The following LMOD1 variants were observed in gnomAD, a reference collection of about 807,000 sequenced individuals.
LMOD1 encodes the protein leiomodin-1.
A neutral mutation model predicts 36.5 loss-of-function variants in LMOD1; 8 were observed. The ratio of observed to expected loss-of-function variants is 0.22; its 90% CI spans 0.13 to 0.40. LMOD1 has a LOEUF of 0.40. Ranked by LOEUF, LMOD1 falls within the 10% of genes least tolerant of loss-of-function variation. LMOD1 has a pLI of 1.00. For synonymous variants in LMOD1, 284 were observed against 288.7 expected (o/e 0.98, Z 0.17); for missense variants, 630 against 751.1 (o/e 0.84, Z 1.88).
intron 1 of LMOD1, among the ~76,000 whole-genome samples, chr1:201,941,323 C>T (rs567794996): frequency 2.1e-4 from 32 of 152,256 alleles, no homozygotes; most frequent in Admixed American, 1.8e-3. Context: ...AAAACAAACA[C>T]CTGTGGATTG....
rs542658902 is a variant in LMOD1, at chr1:201,935,879, G to A, written c.261+10201C>T. Among the ~76,000 whole-genome samples the A allele has an allele frequency of 5.3e-5, 8 of 151,672 alleles. No individual in the cohort carries two copies. The South Asian group carries it at 1.5e-3, about 28-fold the overall frequency. ...GCCAATCCCAGGACTTTGGGAGGCC[G>A]AGGTGGGCAGATTGCCTGAGGTCAT... On this transcript the variant is annotated intron_variant, in intron 1 of 2. Coordinates refer to ENST00000367288, the MANE Select transcript of LMOD1 (RefSeq NM_012134.3).
chr1:201,903,867 T>C (rs560792703), intron 1 of LMOD1, among the ~76,000 whole-genome samples: 1 of 152,342 alleles, frequency 6.6e-6, no homozygotes, highest in South Asian at 2.1e-4. Flanking sequence ...CCCACGCCAC[T>C]TGTAGGCTTC....
Position 201,899,784 on chromosome 1 carries a change from G to T in LMOD1, c.1229C>A (p.Ala410Asp). 6.2e-7 allele frequency: 1 copy of T among 1,614,072 alleles called. No individual in the cohort carries two copies. Among genetic ancestry groups the T allele is most frequent in the Non-Finnish European group, 8.5e-7 (1 of 1,179,908 alleles). The change falls in exon 2 of 3, where the codon GCC becomes GAC. Residue 410 changes from alanine (A) to aspartate (D), a missense_variant. Ala to Asp is a moderately radical substitution (Grantham distance 126, BLOSUM62 -2). Coordinates refer to ENST00000367288, the MANE Select transcript of LMOD1 (RefSeq NM_012134.3). The surrounding 1 kb of genome is among the most constrained non-coding windows in gnomAD (Gnocchi z 6.3). ...GGTCAGCGTGTTGTTCTGGAGGAGG[G>T]CCCGGAAGATGGCCAGGATGCCTTT... ...TGKGILAIFR[A>D]LLQNNTLTEL...
At chr1:201,915,766 A>G (rs1406902041) in intron 1 of LMOD1, among the ~76,000 whole-genome samples, 3 of 151,982 alleles carry the variant, frequency 2.0e-5, no homozygotes, top group Non-Finnish European at 4.4e-5. Context: ...ATCCTCACAG[A>G]TGTTCCCTTG....
chr1:201,912,045 C>T (rs147287387), intron 1 of LMOD1, among the ~76,000 whole-genome samples: 2 of 152,240 alleles, frequency 1.3e-5, no homozygotes, highest in East Asian at 3.9e-4. Flanking sequence ...GAAAGCCCTT[C>T]CAGTCTGCTA....
chr1:201,923,727 T>C (rs1442104462), intron 1 of LMOD1, among the ~76,000 whole-genome samples: 1 of 151,924 alleles, frequency 6.6e-6, no homozygotes, highest in African/African-American at 2.4e-5. Context: ...TAGCTGAATG[T>C]GGTGATGCAC....
chr1:201,900,121 C>A lies in LMOD1; in HGVS notation c.892G>T (p.Gly298Cys). ...TKTPEKQTPS[G>C]PTKPSEGPAK... ...GGTCCTTCAGAGGGCTTGGTGGGGC[C>A]ACTGGGCGTCTGTTTCTCGGGTGTT... Residue 298 changes from glycine to cysteine, a missense_variant, in exon 2 of 3, where the codon GGC becomes TGC. Gly to Cys is a radical substitution (Grantham distance 159). Transcript: ENST00000367288. 1 of 1,613,934 alleles carries A rather than the reference C, an allele frequency of 6.2e-7. No individual in the cohort carries two copies. Among genetic ancestry groups the A allele is most frequent in the Non-Finnish European group, 8.5e-7 (1 of 1,179,860 alleles).
In LMOD1 at chr1:201,901,630, GTATA is replaced by G. The variant is rs1332798122; in HGVS notation, c.262-883_262-880del. Among the ~76,000 whole-genome samples the G allele has an allele frequency of 5.2e-3, 10 of 1,912 alleles. 1 individual carries two copies. The highest frequency in any genetic ancestry group is 0.071 in the South Asian group (1 of 14). 1.3% of individuals were successfully genotyped at this position (1,912 alleles called of 152,430 possible). ...TATATACACATATATATGTGTGTGT[GTATA>G]TATATATATATATACATATATATGT... On this transcript the variant is annotated intron_variant, in intron 1 of 2. Transcript: ENST00000367288.
chr1:201,898,941 C>T (rs3738289), intron 2 of LMOD1, among the ~76,000 whole-genome samples: 13,037 of 152,216 alleles, frequency 0.086, 674 homozygotes, highest in East Asian at 0.13. Flanking sequence ...GAGGCCATTT[C>T]TCCATTTTAA....
chr1:201,917,001 G>A (rs184364590), intron 1 of LMOD1, among the ~76,000 whole-genome samples: 16 of 152,316 alleles, frequency 1.1e-4, no homozygotes, highest in African/African-American at 3.4e-4. Context: ...GCAGTCCTGC[G>A]GGAGACCAGG....
At chr1:201,932,822 C>T (rs184107140) in intron 1 of LMOD1, among the ~76,000 whole-genome samples, 2 of 152,280 alleles carry the variant, frequency 1.3e-5, no homozygotes, top group South Asian at 2.1e-4. Context: ...CTATGTTAAA[C>T]CTTCAAATTT....
rs896697441 is a variant in LMOD1, at chr1:201,903,688, G to A, written c.262-2937C>T. Among the ~76,000 whole-genome samples, 8 of 152,278 alleles carry A rather than the reference G, an allele frequency of 5.3e-5. No homozygotes were observed. The East Asian group carries it at 1.2e-3, about 22-fold the overall frequency. ...ATCACTGATTCTGTCCACTTTTGGA[G>A]CTTGGAGGTGAGAGCTGGAGGGACC... On this transcript the variant is annotated intron_variant, in intron 1 of 2. Transcript: ENST00000367288.
chr1:201,913,260 T>C (rs1681544225), intron 1 of LMOD1, among the ~76,000 whole-genome samples: 1 of 152,180 alleles, frequency 6.6e-6, no homozygotes, highest in South Asian at 2.1e-4. Flanking sequence ...CCCAGAACTG[T>C]CCTCTGTTAG....
intron 1 of LMOD1, among the ~76,000 whole-genome samples, chr1:201,939,076 C>A (rs557579135): frequency 6.6e-6 from 1 of 152,168 alleles, no homozygotes; most frequent in Admixed American, 6.5e-5. Flanking sequence ...ATAAGCCCTG[C>A]CTCCCTGCTT....
At chr1:201,935,560 C>CATTT (rs1178570992) in intron 1 of LMOD1, among the ~76,000 whole-genome samples, 3 of 151,662 alleles carry the variant, frequency 2.0e-5, no homozygotes, top group Non-Finnish European at 2.9e-5. Flanking sequence ...TTTATTTATT[C>CATTT]ATTTATTTAT....
intron 1 of LMOD1, among the ~76,000 whole-genome samples, chr1:201,929,339 A>G (rs1681880945): frequency 6.7e-6 from 1 of 148,898 alleles, no homozygotes; most frequent in Non-Finnish European, 1.5e-5. Context: ...GACTCGGCAT[A>G]CCAAAGTGCT....
chr1:201,929,683 A>T (rs1681886291), intron 1 of LMOD1, among the ~76,000 whole-genome samples: 1 of 152,274 alleles, frequency 6.6e-6, no homozygotes, highest in Non-Finnish European at 1.5e-5. Context: ...GATTCAATCA[A>T]GTATGATAGA....
intron 1 of LMOD1, among the ~76,000 whole-genome samples, chr1:201,935,950 C>T (rs923335235): frequency 2.0e-5 from 3 of 151,176 alleles, no homozygotes; most frequent in Non-Finnish European, 4.4e-5. Context: ...CCTGTCTCTA[C>T]TGAAAATACA....
At chr1:201,901,577 TATATATAC>T (rs1309878669) in intron 1 of LMOD1, among the ~76,000 whole-genome samples, 10 of 28,104 alleles carry the variant, frequency 3.6e-4, no homozygotes, top group African/African-American at 7.3e-4. Flanking sequence ...TATATATATA[TATATATAC>T]ATATATATAT....
Sources: gnomAD v4.1 joint callset for allele counts (sites outside exome capture counted in the v4.1 genomes callset) on GRCh38, gnomAD v4.1.1 for gene constraint, Gnocchi (gnomAD v3.1) non-coding constraint, MANE v1.5 for transcripts, NCBI Gene and HGNC (gene_info 2026-07-23, HGNC 2026-07-21) for gene names.